EFR3B: variants seen among roughly 807,000 people sequenced by gnomAD.
EFR3B encodes the protein EFR3 homolog B.
In EFR3B, 64 loss-of-function variants were observed where a neutral mutation model predicts 104.7. That is an observed-to-expected ratio of 0.61 (90% confidence interval 0.50 to 0.75). The LOEUF is 0.75. EFR3B is among the 30% of genes least tolerant of loss of function. EFR3B has a pLI of 0.00. For missense variants in EFR3B, 750 were observed against 1,078.5 expected, an observed-to-expected ratio of 0.70 and a Z score of 4.27; for synonymous variants, 385 against 417.9, an observed-to-expected ratio of 0.92 and a Z score of 0.96.
chr2:25,070,669 C>T (rs909869391), intron 1 of EFR3B, among the ~76,000 whole-genome samples: 3 of 152,102 alleles, frequency 2.0e-5, no homozygotes, highest in Admixed American at 6.5e-5. Flanking sequence ...CTATTTGAAA[C>T]GTCCCTCCAG....
intron 1 of EFR3B, among the ~76,000 whole-genome samples, chr2:25,066,976 G>T (rs1203165812): frequency 6.6e-6 from 1 of 152,136 alleles, no homozygotes; most frequent in Admixed American, 6.5e-5. Context: ...TTATCCTGAA[G>T]AGAAAATGGG....
chr2:25,064,234 C>G (rs1032717504), intron 1 of EFR3B, among the ~76,000 whole-genome samples: 1 of 152,184 alleles, frequency 6.6e-6, no homozygotes, highest in Non-Finnish European at 1.5e-5. Context: ...CTGCAACAGT[C>G]TCTCTGATGA....
chr2:25,131,606 C>T lies in EFR3B; in HGVS notation c.985+103C>T. ...ACAGGGAGGGGTCGGAGTCCGTTTTCCTCGGGAGAAGTCCGCCAGGAAGTT... is the reference window on the plus strand; with the variant it reads ...ACAGGGAGGGGTCGGAGTCCGTTTTTCTCGGGAGAAGTCCGCCAGGAAGTT... On this transcript the variant is annotated intron_variant, in intron 9 of 22. Transcript: ENST00000403714. This position sits in a 1 kb window ranked among gnomAD's most constrained non-coding sequence, Gnocchi z 7.6. The T allele has an allele frequency of 6.6e-7, 1 of 1,507,596 alleles. No individual in the cohort carries two copies. The highest frequency in any genetic ancestry group is 8.9e-7 in the Non-Finnish European group (1 of 1,122,572). 93.4% of individuals were successfully genotyped at this position (1,507,596 alleles called of 1,614,324 possible). A position where few individuals can be genotyped will look rare whatever the true frequency, so the allele number is the denominator to read the frequency against.
chr2:25,143,380 C>T (rs6742181), intron 17 of EFR3B, among the ~76,000 whole-genome samples: 13,330 of 150,312 alleles, frequency 0.089, 1,293 homozygotes, highest in African/African-American at 0.25. Flanking sequence ...AAAAGTTGGC[C>T]GGGCATGGTG....
chr2:25,065,832 T>A (rs1358602703), intron 1 of EFR3B, among the ~76,000 whole-genome samples: 1 of 152,198 alleles, frequency 6.6e-6, no homozygotes, highest in African/African-American at 2.4e-5. Context: ...TGTCACACAC[T>A]CACCCAGTGT....
chr2:25,154,059 T>C lies in EFR3B; in HGVS notation c.2349-176T>C, dbSNP rs1370870360. Among the ~76,000 whole-genome samples, 1 of 152,184 alleles carries C rather than the reference T, an allele frequency of 6.6e-6. No individual in the cohort carries two copies. Among genetic ancestry groups the C allele is most frequent in the African/African-American group, 2.4e-5 (1 of 41,446 alleles). ...TCACTGCGGAGCCTGCAGGGAAGCT[T>C]GACTCCAAGCTGTAGATTCTAGTAG... On this transcript the variant is annotated intron_variant, in intron 22 of 22. Coordinates refer to ENST00000403714, the MANE Select transcript of EFR3B (RefSeq NM_014971.2). This position sits in a 1 kb window ranked among gnomAD's most constrained non-coding sequence, Gnocchi z 4.1.
chr2:25,120,664 A>G (rs537395059), intron 4 of EFR3B, among the ~76,000 whole-genome samples: 3 of 152,002 alleles, frequency 2.0e-5, no homozygotes, highest in Non-Finnish European at 4.4e-5. Context: ...CAACAACAAC[A>G]GCAACAAAAG....
rs149385701 is a variant in EFR3B, at chr2:25,065,864, C to G, written c.7+23545C>G. Among the ~76,000 whole-genome samples, 171 of 152,264 alleles carry G rather than the reference C, an allele frequency of 1.1e-3. 1 individual carries two copies. The East Asian group carries it at 0.03, about 27-fold the overall frequency. On this transcript the variant is annotated intron_variant, in intron 1 of 22. Transcript: ENST00000403714. ...GTGTGAATGGGCAGGTGCTGGGAGG[C>G]TCTTCCTGACACCCTCTGCTGTCTC...
At chr2:25,113,277 T>C (rs1669771565) in intron 4 of EFR3B, among the ~76,000 whole-genome samples, 1 of 152,182 alleles carries the variant, frequency 6.6e-6, no homozygotes, top group Non-Finnish European at 1.5e-5. Context: ...AACCATGATC[T>C]TTCATGATCT....
intron 6 of EFR3B, 51 bp downstream of exon 6, chr2:25,128,383 G>C (rs926215947): frequency 3.0e-5 from 47 of 1,545,708 alleles, no homozygotes; most frequent in Non-Finnish European, 3.9e-5. Context: ...ACCCTCCAAG[G>C]GCTGCTTGGG....
chr2:25,073,106 T>C (rs899120516), intron 1 of EFR3B, among the ~76,000 whole-genome samples: 11 of 152,202 alleles, frequency 7.2e-5, no homozygotes, highest in African/African-American at 2.7e-4. Flanking sequence ...ACGATAGTTA[T>C]GATGACAATT....
In EFR3B at chr2:25,155,778, C is replaced by G. The variant is rs1671149027; in HGVS notation, c.*1438C>G. ...ATAACCTACAGTAAGATGTGAGTGT[C>G]AGACGTTCTCTCCCTGGAGTCTGCT... On this transcript the variant is annotated 3_prime_UTR_variant, in exon 23 of 23. Coordinates refer to ENST00000403714, the MANE Select transcript of EFR3B (RefSeq NM_014971.2). 1 of 152,208 alleles carries G rather than the reference C, an allele frequency of 6.6e-6. No individual in the cohort carries two copies. Among genetic ancestry groups the G allele is most frequent in the African/African-American group, 2.4e-5 (1 of 41,438 alleles). The allele number at this position is 152,208 out of a possible 1,614,324, so 9.4% of individuals were successfully genotyped here. A position where few individuals can be genotyped will look rare whatever the true frequency, so the allele number is the denominator to read the frequency against.
In EFR3B at chr2:25,155,321, A is replaced by T. The variant is rs1191432277; in HGVS notation, c.*981A>T. ...GAGTGGTGTTTTGGGGCTCAAGGAT[A>T]TCAGAAGCCAACTTTTTGGATGTTC... On this transcript the variant is annotated 3_prime_UTR_variant, in exon 23 of 23. Transcript: ENST00000403714. 6.6e-6 allele frequency: 1 copy of T among 152,224 alleles called. No individual in the cohort carries two copies. Among genetic ancestry groups the T allele is most frequent in the Non-Finnish European group, 1.5e-5 (1 of 68,064 alleles). The allele number at this position is 152,224 out of a possible 1,614,324, so 9.4% of individuals were successfully genotyped here. A position where few individuals can be genotyped will look rare whatever the true frequency, so the allele number is the denominator to read the frequency against.
intron 3 of EFR3B, among the ~76,000 whole-genome samples, chr2:25,093,634 G>C (rs544293609): frequency 3.9e-5 from 6 of 152,144 alleles, no homozygotes; most frequent in Non-Finnish European, 8.8e-5. Context: ...GGAAGAAAAG[G>C]GTGTTGGCTT....
chr2:25,150,547 T>G (rs771658040), intron 20 of EFR3B, among the ~76,000 whole-genome samples: 2 of 152,016 alleles, frequency 1.3e-5, no homozygotes, highest in African/African-American at 4.8e-5. Context: ...TGCCTGTAAA[T>G]GCCAAACTTT....
At chr2:25,152,091 T>A in intron 21 of EFR3B, 71 bp downstream of exon 21, 1 of 1,461,700 alleles carries the variant, frequency 6.8e-7, no homozygotes, top group Non-Finnish European at 9.3e-7. Context: ...AGGACAGGAT[T>A]AAGTTCCTAG....
intron 4 of EFR3B, among the ~76,000 whole-genome samples, chr2:25,106,341 G>A (rs925737848): frequency 1.3e-5 from 2 of 152,090 alleles, no homozygotes; most frequent in African/African-American, 2.4e-5. Context: ...CCCGGATGGA[G>A]TGCACTGGCA....
chr2:25,150,137 T>A (rs558753527), intron 20 of EFR3B, among the ~76,000 whole-genome samples: 1 of 152,012 alleles, frequency 6.6e-6, no homozygotes, highest in Non-Finnish European at 1.5e-5. Flanking sequence ...CTGTCTCAAC[T>A]GAAAAAATAC....
chr2:25,048,351 G>A (rs1470028515), intron 1 of EFR3B, among the ~76,000 whole-genome samples: 1 of 152,076 alleles, frequency 6.6e-6, no homozygotes, highest in Non-Finnish European at 1.5e-5. Context: ...TTTAAAATTA[G>A]CACTAGAATA....
Sources: gnomAD v4.1 joint callset for allele counts (sites outside exome capture counted in the v4.1 genomes callset) on GRCh38, gnomAD v4.1.1 for gene constraint, Gnocchi (gnomAD v3.1) non-coding constraint, MANE v1.5 for transcripts, NCBI Gene and HGNC (gene_info 2026-07-23, HGNC 2026-07-21) for gene names.